PLCG2: variants seen among roughly 807,000 people sequenced by gnomAD.
PLCG2 encodes the protein 1-phosphatidylinositol 4,5-bisphosphate phosphodiesterase gamma-2.
Under a neutral mutation model 175.6 loss-of-function variants are expected in PLCG2, and 69 were observed. The ratio of observed to expected loss-of-function variants is 0.39; its 90% confidence interval spans 0.32 to 0.48. The LOEUF (loss-of-function observed/expected upper bound fraction) is 0.48. Ranked by LOEUF, PLCG2 falls within the 20% of genes least tolerant of loss-of-function variation. PLCG2 has a pLI of 0.91. For synonymous variants in PLCG2, 827 were observed against 624.0 expected, an observed-to-expected ratio of 1.33 and a Z score of -4.85; for missense variants, 1,798 against 1,650.9, an observed-to-expected ratio of 1.09 and a Z score of -1.54.
chr16:81,753,342 G>GTTTTTTTTTTT (rs34438350), intron 1 of PLCG2, among the ~76,000 whole-genome samples: 17 of 91,128 alleles, frequency 1.9e-4, no homozygotes, highest in African/African-American at 2.9e-4. Context: ...GTCCTGGCAG[G>GTTTTTTTTTTT]TTTTTTTTTT....
At chr16:81,912,785 G>T in intron 19 of PLCG2, 69 bp downstream of exon 19, 1 of 1,489,342 alleles carries the variant, frequency 6.7e-7, no homozygotes, top group Non-Finnish European at 8.9e-7. Flanking sequence ...GAGAGACAAG[G>T]GGGAACTTCA....
chr16:81,773,175 G>A (rs949368542), intron 2 of PLCG2, among the ~76,000 whole-genome samples: 12 of 152,152 alleles, frequency 7.9e-5, no homozygotes, highest in South Asian at 2.1e-4. Context: ...GTGGGGGGGC[G>A]TTGGGAAAAG....
chr16:81,817,186 C>G (rs1904590668), intron 2 of PLCG2, among the ~76,000 whole-genome samples: 1 of 151,696 alleles, frequency 6.6e-6, no homozygotes, highest in African/African-American at 2.4e-5. Context: ...GATGGGTGGT[C>G]AGAAAAGGCC....
At chr16:81,799,781 G>C (rs1396155973) in intron 2 of PLCG2, among the ~76,000 whole-genome samples, 2 of 151,814 alleles carry the variant, frequency 1.3e-5, no homozygotes, top group Non-Finnish European at 2.9e-5. Flanking sequence ...TTTTAGTGGA[G>C]ATGGGGTTTC....
chr16:81,866,923 C>T (rs557863834), intron 5 of PLCG2, among the ~76,000 whole-genome samples: 1 of 152,240 alleles, frequency 6.6e-6, no homozygotes, highest in Non-Finnish European at 1.5e-5. Context: ...TTCTTGCAAG[C>T]CCCTGGGGCA....
At chr16:81,931,434 C>G (rs1385070839) in intron 24 of PLCG2, 63 bp from the exon 25 acceptor site, 14 of 1,516,458 alleles carry the variant, frequency 9.2e-6, no homozygotes, top group Non-Finnish European at 1.3e-5. Context: ...AGGCAGGGTG[C>G]AGTCTGGTCT....
chr16:81,804,848 T>C (rs1356302146), intron 2 of PLCG2, among the ~76,000 whole-genome samples: 3 of 151,994 alleles, frequency 2.0e-5, no homozygotes, highest in South Asian at 2.1e-4. Context: ...GATGAGAGAG[T>C]GTTCTTGAAA....
chr16:81,942,693 G>A (rs112772117), intron 30 of PLCG2, among the ~76,000 whole-genome samples: 2,270 of 152,158 alleles, frequency 0.015, 26 homozygotes, highest in Middle Eastern at 0.024. Context: ...AGCACTTTGA[G>A]GCCGAGAGAC....
intron 24 of PLCG2, among the ~76,000 whole-genome samples, chr16:81,929,734 A>G (rs897826393): frequency 1.3e-5 from 2 of 152,226 alleles, no homozygotes; most frequent in African/African-American, 4.8e-5. Flanking sequence ...TACCTTTACA[A>G]TGATCCAGCA....
intron 12 of PLCG2, 98 bp from the exon 13 acceptor site, chr16:81,895,709 C>T (rs760351980): frequency 3.3e-4 from 450 of 1,368,362 alleles, no homozygotes; most frequent in Non-Finnish European, 4.2e-4. Flanking sequence ...GTGTGGGTGT[C>T]CTTGTCTAGT....
chr16:81,830,139 A>G (rs916070762), intron 2 of PLCG2, among the ~76,000 whole-genome samples: 4 of 151,952 alleles, frequency 2.6e-5, no homozygotes, highest in African/African-American at 9.7e-5. Context: ...GGGTAACATG[A>G]TGAAACCCTG....
intron 6 of PLCG2, among the ~76,000 whole-genome samples, chr16:81,869,838 A>T (rs964737111): frequency 1.3e-5 from 2 of 152,162 alleles, no homozygotes; most frequent in Non-Finnish European, 2.9e-5. Flanking sequence ...TCCATGAGTG[A>T]TGGGATATAG....
At chr16:81,922,020 G>A (rs1269358815) in intron 21 of PLCG2, among the ~76,000 whole-genome samples, 4 of 152,186 alleles carry the variant, frequency 2.6e-5, no homozygotes, top group Non-Finnish European at 4.4e-5. Context: ...ATGTTTTGGC[G>A]ATGAGAACAG....
rs184511553 is a variant in PLCG2, at chr16:81,891,160, G to A, written c.868-312G>A. Among the ~76,000 whole-genome samples, 8 of 152,234 alleles carry A rather than the reference G, an allele frequency of 5.3e-5. No individual in the cohort carries two copies. In the East Asian group the frequency reaches 1.5e-3, roughly 29 times the overall value. ...CCTGGGCAACAGAGCATGACTCAGT[G>A]TGAAAAAACAAAGAAAGAAAAACCA... On this transcript the variant is annotated intron_variant, in intron 10 of 32. Transcript: ENST00000564138.
At chr16:81,869,487 G>C (rs1907409957) in intron 6 of PLCG2, among the ~76,000 whole-genome samples, 189 bp downstream of exon 6, 1 of 152,186 alleles carries the variant, frequency 6.6e-6, no homozygotes, top group African/African-American at 2.4e-5. Context: ...TCCTAGCAGA[G>C]AATGTAATCA....
At chr16:81,805,169 T>C (rs887983424) in intron 2 of PLCG2, among the ~76,000 whole-genome samples, 1 of 152,012 alleles carries the variant, frequency 6.6e-6, no homozygotes, top group Non-Finnish European at 1.5e-5. Context: ...CAAGAGCTGA[T>C]AAAGGACCCA....
At chr16:81,762,141 C>T (rs1410188416) in intron 2 of PLCG2, among the ~76,000 whole-genome samples, 1 of 152,082 alleles carries the variant, frequency 6.6e-6, no homozygotes, top group East Asian at 1.9e-4. Flanking sequence ...GGCCCCTGAA[C>T]ATTTACTCTG....
At chr16:81,941,820 A>C (rs1219460939) in intron 30 of PLCG2, among the ~76,000 whole-genome samples, 1 of 151,764 alleles carries the variant, frequency 6.6e-6, no homozygotes, top group African/African-American at 2.4e-5. Context: ...ACAGGTGTAC[A>C]CTACCACATC....
chr16:81,943,670 G>C (rs927322083), intron 30 of PLCG2, among the ~76,000 whole-genome samples: 2 of 152,192 alleles, frequency 1.3e-5, no homozygotes, highest in African/African-American at 4.8e-5. Context: ...AAGATTCACA[G>C]GTGATTCACA....
Sources: gnomAD v4.1 joint callset for allele counts (sites outside exome capture counted in the v4.1 genomes callset) on GRCh38, gnomAD v4.1.1 for gene constraint, MANE v1.5 for transcripts, NCBI Gene and HGNC (gene_info 2026-07-23, HGNC 2026-07-21) for gene names.